CLVS2: variants seen among roughly 807,000 people sequenced by gnomAD.
The protein encoded by CLVS2 is clavesin-2.
CLVS2 carries 19 observed loss-of-function variants against 29.0 expected under a neutral mutation model. The observed-to-expected ratio is 0.66, with a 90% CI of 0.46 to 0.96. The LOEUF is 0.96. Among genes scored for constraint, CLVS2 ranks in the 40% least tolerant of loss-of-function variants. The pLI, the probability that CLVS2 is intolerant of heterozygous loss-of-function variation, is 0.00. For synonymous variants in CLVS2, 161 were observed against 151.3 expected, an observed-to-expected ratio of 1.06 and a Z score of -0.47; for missense variants, 294 against 404.1, an observed-to-expected ratio of 0.73 and a Z score of 2.34.
intron 4 of CLVS2, among the ~76,000 whole-genome samples, chr6:123,050,020 G>A (rs1476009827): frequency 6.6e-6 from 1 of 152,138 alleles, no homozygotes; most frequent in Non-Finnish European, 1.5e-5. Context: ...AAGTGAATTT[G>A]CGCTCCTGAA....
At chr6:123,008,030 C>G (rs1342869792) in intron 2 of CLVS2, among the ~76,000 whole-genome samples, 1 of 152,082 alleles carries the variant, frequency 6.6e-6, no homozygotes, top group Non-Finnish European at 1.5e-5. Flanking sequence ...AGATATTTTA[C>G]AGATTCTGGC....
intron 2 of CLVS2, among the ~76,000 whole-genome samples, chr6:123,005,970 A>G (rs896440925): frequency 6.6e-6 from 1 of 152,250 alleles, no homozygotes; most frequent in Non-Finnish European, 1.5e-5. Flanking sequence ...TTGTGCACCC[A>G]CAGTGTGCAG....
chr6:123,053,021 A>C (rs1772636435), intron 4 of CLVS2, among the ~76,000 whole-genome samples: 2 of 137,996 alleles, frequency 1.4e-5, no homozygotes, highest in African/African-American at 5.7e-5. Context: ...AAAAATCCAA[A>C]GACTGAGACC....
At chr6:123,000,002 G>C (rs182557384) in intron 2 of CLVS2, among the ~76,000 whole-genome samples, 26 of 152,166 alleles carry the variant, frequency 1.7e-4, no homozygotes, top group African/African-American at 5.8e-4. Context: ...CATATAAAGG[G>C]CAGACAACTA....
chr6:123,003,762 A>G (rs1382556077), intron 2 of CLVS2, among the ~76,000 whole-genome samples: 1 of 152,228 alleles, frequency 6.6e-6, no homozygotes, highest in Non-Finnish European at 1.5e-5. Flanking sequence ...TACCAGTGCT[A>G]GAAGCTGGGG....
intron 3 of CLVS2, among the ~76,000 whole-genome samples, chr6:123,032,219 C>T (rs957571492): frequency 8.6e-5 from 13 of 151,990 alleles, no homozygotes; most frequent in African/African-American, 2.9e-4. Context: ...CTTTTATCTC[C>T]TTTTCCTATT....
At chr6:123,051,457 C>T (rs1261022642) in intron 4 of CLVS2, among the ~76,000 whole-genome samples, 2 of 152,184 alleles carry the variant, frequency 1.3e-5, no homozygotes, top group Non-Finnish European at 2.9e-5. Flanking sequence ...AGGTCTCCTA[C>T]TGCTCCCAAG....
chr6:123,051,629 T>C (rs776087281), intron 4 of CLVS2, among the ~76,000 whole-genome samples: 1 of 152,196 alleles, frequency 6.6e-6, no homozygotes, highest in East Asian at 1.9e-4. Flanking sequence ...TTTTAGTCAA[T>C]ATGGCCAATG....
intron 2 of CLVS2, among the ~76,000 whole-genome samples, chr6:123,006,693 A>C (rs1183477498): frequency 2.0e-5 from 3 of 152,184 alleles, no homozygotes; most frequent in African/African-American, 4.8e-5. Context: ...CACTAAATTG[A>C]GTTACACTAA....
At chr6:123,003,278 G>A (rs1239342592) in intron 2 of CLVS2, among the ~76,000 whole-genome samples, 3 of 152,180 alleles carry the variant, frequency 2.0e-5, no homozygotes, top group Non-Finnish European at 4.4e-5. Context: ...AGAAGCAAAG[G>A]ACTTGAGGTT....
chr6:122,998,262 T>C, intron 2 of CLVS2, 96 bp downstream of exon 2: 4 of 1,416,340 alleles, frequency 2.8e-6, no homozygotes, highest in Non-Finnish European at 3.8e-6. Flanking sequence ...TTGATATTTT[T>C]GTTTATTTGG....
intron 3 of CLVS2, among the ~76,000 whole-genome samples, chr6:123,041,754 A>T (rs1035934577): frequency 6.6e-6 from 1 of 152,206 alleles, no homozygotes; most frequent in African/African-American, 2.4e-5. Flanking sequence ...AATTATATTC[A>T]TGATGGAAAA....
At chr6:123,007,928 T>G (rs1388592406) in intron 2 of CLVS2, among the ~76,000 whole-genome samples, 1 of 152,148 alleles carries the variant, frequency 6.6e-6, no homozygotes, top group Non-Finnish European at 1.5e-5. Flanking sequence ...GACCTCTAAT[T>G]TGTAAATTAT....
Position 123,066,221 on chromosome 6 carries a change from A to T in CLVS2, c.*2460A>T, listed in dbSNP as rs2114375470. On this transcript the variant is annotated 3_prime_UTR_variant, in exon 6 of 6. Coordinates refer to ENST00000275162, the MANE Select transcript of CLVS2 (RefSeq NM_001010852.4). ...ACCAGCTATCTAGCACTGTTTAGGA[A>T]TTTTTCCCTTCATGATATTCTGTGT... 6.6e-6 allele frequency: 1 copy of T among 151,768 alleles called. No individual in the cohort carries two copies. Among genetic ancestry groups the T allele is most frequent in the Admixed American group, 6.6e-5 (1 of 15,184 alleles). 9.4% of individuals were successfully genotyped at this position (151,768 alleles called of 1,614,324 possible). A position where few individuals can be genotyped will look rare whatever the true frequency, so the allele number is the denominator to read the frequency against.
intron 3 of CLVS2, among the ~76,000 whole-genome samples, chr6:123,015,389 C>T (rs1774812339): frequency 6.6e-6 from 1 of 152,010 alleles, no homozygotes; most frequent in Non-Finnish European, 1.5e-5. Context: ...TGGAGAACCC[C>T]ATACCACCTT....
At chr6:123,013,188 T>G (rs1463927628) in intron 3 of CLVS2, among the ~76,000 whole-genome samples, 2 of 152,080 alleles carry the variant, frequency 1.3e-5, no homozygotes, top group Non-Finnish European at 2.9e-5. Context: ...ATTTGCTATG[T>G]GACAAATATT....
intron 3 of CLVS2, among the ~76,000 whole-genome samples, chr6:123,018,087 G>T (rs1562165683): frequency 6.6e-6 from 1 of 151,936 alleles, no homozygotes; most frequent in South Asian, 2.1e-4. Context: ...AACACTTTTT[G>T]GTCTGAGTCA....
chr6:123,066,859 G>A lies in CLVS2; in HGVS notation c.*3098G>A, dbSNP rs530608251. ...TATCATTTGAAGAAGGATATTTAAG[G>A]CCTTTATTTGAACATACTCATACAG... On this transcript the variant is annotated 3_prime_UTR_variant, in exon 6 of 6. Coordinates refer to ENST00000275162, the MANE Select transcript of CLVS2 (RefSeq NM_001010852.4). 275 of 151,194 alleles carry A rather than the reference G, an allele frequency of 1.8e-3. No individual in the cohort carries two copies. The highest frequency in any genetic ancestry group is 6.0e-3 in the African/African-American group (248 of 41,202). The allele number at this position is 151,194 out of a possible 1,614,324, so 9.4% of individuals were successfully genotyped here.
rs1774532592 is a variant in CLVS2 at position 122,997,767 on chromosome 6, T to C, written c.-11T>C. 2.5e-6 allele frequency: 4 copies of C among 1,611,820 alleles called. No homozygotes were observed. The highest frequency in any genetic ancestry group is 3.4e-6 in the Non-Finnish European group (4 of 1,179,208). ...GGTCTTCTGAGGGAAAGCTCAGAGA[T>C]AGGCAGAACAATGACTCATTTGCAA... On this transcript the variant is annotated 5_prime_UTR_variant, in exon 2 of 6. Transcript: ENST00000275162.
Sources: gnomAD v4.1 joint callset for allele counts (sites outside exome capture counted in the v4.1 genomes callset) on GRCh38, gnomAD v4.1.1 for gene constraint, MANE v1.5 for transcripts, NCBI Gene and HGNC (gene_info 2026-07-23, HGNC 2026-07-21) for gene names.